UTS2B: variants seen among roughly 807,000 people sequenced by gnomAD.
UTS2B encodes the protein urotensin-2B.
UTS2B carries 21 observed loss-of-function variants against 19.2 expected under a neutral mutation model. That is an observed-to-expected ratio of 1.09 (90% CI 0.78 to 1.58). UTS2B has a LOEUF of 1.58. Ranked by LOEUF, UTS2B falls within the 40% of genes most tolerant of loss-of-function variation. UTS2B has a pLI of 0.00. For missense variants in UTS2B, 138 were observed against 130.3 expected, an observed-to-expected ratio of 1.06 and a Z score of -0.29; for synonymous variants, 57 against 50.2, an observed-to-expected ratio of 1.14 and a Z score of -0.58.
chr3:191,301,535 G>A (rs972516280), intron 4 of UTS2B, among the ~76,000 whole-genome samples: 8 of 139,078 alleles, frequency 5.8e-5, no homozygotes, highest in African/African-American at 2.2e-4. Context: ...CGCCCAGGCT[G>A]GAGTGCAGTG....
chr3:191,279,694 C>T (rs1292420023), intron 5 of UTS2B, among the ~76,000 whole-genome samples: 4 of 151,856 alleles, frequency 2.6e-5, no homozygotes, highest in East Asian at 1.9e-4. Context: ...GTTTTGCTTC[C>T]GATAATTATA....
At chr3:191,284,311 T>C (rs1716473521) in intron 4 of UTS2B, among the ~76,000 whole-genome samples, 1 of 151,904 alleles carries the variant, frequency 6.6e-6, no homozygotes, top group Non-Finnish European at 1.5e-5. Context: ...TGAATACTGA[T>C]TATTCTTTTC....
At chr3:191,313,243 C>A (rs916071790) in intron 3 of UTS2B, among the ~76,000 whole-genome samples, 11 of 152,140 alleles carry the variant, frequency 7.2e-5, no homozygotes, top group Admixed American at 3.9e-4. Context: ...GATCCACCCA[C>A]CTCGGCCTCC....
At chr3:191,269,222 GTGAAAAAGAGT>G (rs1192659813) in intron 8 of UTS2B, among the ~76,000 whole-genome samples, 1 of 152,166 alleles carries the variant, frequency 6.6e-6, no homozygotes, top group Non-Finnish European at 1.5e-5. Flanking sequence ...GGTATTTACA[GTGAAAAAGAGT>G]TGAAAAACAT....
chr3:191,295,438 G>A (rs1716833739), intron 4 of UTS2B, among the ~76,000 whole-genome samples: 1 of 151,706 alleles, frequency 6.6e-6, no homozygotes, highest in Non-Finnish European at 1.5e-5. Context: ...GCTTCTTTTA[G>A]CATTTCCTCT....
At chr3:191,290,486 A>G (rs1369463549) in intron 4 of UTS2B, among the ~76,000 whole-genome samples, 1 of 152,200 alleles carries the variant, frequency 6.6e-6, no homozygotes, top group Non-Finnish European at 1.5e-5. Context: ...ACAGTAAAAG[A>G]AGACAGTTTT....
Position 191,275,338 on chromosome 3 carries a change from T to C in UTS2B, c.248A>G (p.Lys83Arg), listed in dbSNP as rs1293397310. The part of the protein sequence containing the change: ...NKLEELNQLE[K>R]LKEQLVEEKD... ...CTCCTCCACTAGCTGTTCTTTTAGC[T>C]TTTCCAGCTGATAAAATTGTAAAAT... The change falls in exon 8 of 9, where the codon AAG becomes AGG. Residue 83 changes from lysine to arginine, a missense_variant. By Grantham distance (26) the Lys-to-Arg change is conservative. Coordinates refer to ENST00000340524, the MANE Select transcript of UTS2B (RefSeq NM_198152.5). 2 of 1,612,734 alleles carry C rather than the reference T, an allele frequency of 1.2e-6. No individual in the cohort carries two copies. Among genetic ancestry groups the C allele is most frequent in the Non-Finnish European group, 1.7e-6 (2 of 1,178,824 alleles).
At chr3:191,309,973 CT>C (rs1283686680) in intron 3 of UTS2B, among the ~76,000 whole-genome samples, 3 of 137,494 alleles carry the variant, frequency 2.2e-5, no homozygotes, top group Non-Finnish European at 4.8e-5. Context: ...TCTTTTTTTT[CT>C]TTCTTTGTGG....
chr3:191,328,931 A>G (rs1399600762), intron 1 of UTS2B: 3 of 152,168 alleles, frequency 2.0e-5, no homozygotes, highest in African/African-American at 4.8e-5. Context: ...TTCATTCTGT[A>G]CGTTGTATTT....
chr3:191,346,132 G>C, the UTS2B span, among the ~76,000 whole-genome samples: 1 of 152,078 alleles, frequency 6.6e-6, no homozygotes, highest in African/African-American at 2.4e-5. Context: ...CTTTACTTTT[G>C]TTAATTTTCA....
rs369455512 is a variant in UTS2B at position 191,289,180 on chromosome 3, T to G, written c.-124-6867A>C. On this transcript the variant is annotated intron_variant, in intron 4 of 8. Coordinates refer to ENST00000340524, the MANE Select transcript of UTS2B (RefSeq NM_198152.5). ...ATCCCAGCACTTTGGGAGACCGAGG[T>G]GGGTGGATCACGAAGTCAGGAGATC... Among the ~76,000 whole-genome samples, 822 of 151,908 alleles carry G rather than the reference T, an allele frequency of 5.4e-3. 5 individuals carry two copies. The highest frequency in any genetic ancestry group is 8.7e-3 in the Non-Finnish European group (593 of 67,966).
At chr3:191,341,577 G>A in the UTS2B span, among the ~76,000 whole-genome samples, 1 of 152,194 alleles carries the variant, frequency 6.6e-6, no homozygotes, top group Non-Finnish European at 1.5e-5. Flanking sequence ...CTCCTCACTG[G>A]AGTCTCTCAG....
At chr3:191,309,478 G>T (rs763053482) in intron 3 of UTS2B, among the ~76,000 whole-genome samples, 1 of 151,952 alleles carries the variant, frequency 6.6e-6, no homozygotes, top group Non-Finnish European at 1.5e-5. Context: ...TGGCCTCTTT[G>T]TTTTAGACTA....
chr3:191,322,774 G>A (rs1451835498), intron 2 of UTS2B, among the ~76,000 whole-genome samples: 1 of 152,212 alleles, frequency 6.6e-6, no homozygotes, highest in East Asian at 1.9e-4. Context: ...CAGGGCTGAT[G>A]TTTAGCAGAC....
At chr3:191,273,763 T>G (rs549621892) in intron 8 of UTS2B, among the ~76,000 whole-genome samples, 2 of 152,378 alleles carry the variant, frequency 1.3e-5, no homozygotes, top group East Asian at 3.9e-4. Context: ...CTTGGCTCAA[T>G]AAACAGAAAC....
At position 191,275,156 on chromosome 3, in the gene UTS2B, G is replaced by A. The variant is rs183390810; in HGVS notation, c.334+96C>T. On this transcript the variant is annotated intron_variant, in intron 8 of 8. Transcript: ENST00000340524. ...GCCTTTATATTGGTCACCACCATAA[G>A]ATTAAGAAATGCCAACTGAATCTTC... The A allele has an allele frequency of 3.3e-6, 3 of 899,378 alleles. No homozygotes were observed. In the Admixed American group the frequency reaches 6.5e-5, roughly 19 times the overall value. 55.7% of individuals were successfully genotyped at this position (899,378 alleles called of 1,614,324 possible). A position where few individuals can be genotyped will look rare whatever the true frequency, so the allele number is the denominator to read the frequency against.
chr3:191,319,867 C>CA (rs535836438), intron 2 of UTS2B, among the ~76,000 whole-genome samples: 750 of 72,794 alleles, frequency 0.01, 5 homozygotes, highest in African/African-American at 0.025. Flanking sequence ...GACTTGGTCT[C>CA]AAAAAAAAAA....
chr3:191,304,803 T>C (rs1717093754), intron 3 of UTS2B, among the ~76,000 whole-genome samples: 1 of 152,220 alleles, frequency 6.6e-6, no homozygotes, highest in African/African-American at 2.4e-5. Flanking sequence ...TAGTTATTTT[T>C]CCTGATCCTT....
chr3:191,273,672 C>T, intron 8 of UTS2B: 1 of 442,422 alleles, frequency 2.3e-6, no homozygotes, highest in Non-Finnish European at 4.6e-6. Flanking sequence ...CACCTAATAG[C>T]CTAAGCTATA....
Sources: gnomAD v4.1 joint callset for allele counts (sites outside exome capture counted in the v4.1 genomes callset) on GRCh38, gnomAD v4.1.1 for gene constraint, MANE v1.5 for transcripts, NCBI Gene and HGNC (gene_info 2026-07-23, HGNC 2026-07-21) for gene names.